The following KSR1 variants were observed in gnomAD, a reference collection of about 807,000 sequenced individuals.
KSR1 encodes kinase suppressor of ras.
Under a neutral mutation model 92.9 loss-of-function variants are expected in KSR1, and 35 were observed. That is an observed-to-expected ratio of 0.38 (90% CI 0.29 to 0.50). The LOEUF (loss-of-function observed/expected upper bound fraction) is 0.50, where lower values mean the gene tolerates loss of function less well. KSR1 is among the 20% of genes least tolerant of loss of function. The probability of loss-of-function intolerance (pLI) is 0.94; values close to 1 mark genes in which losing one functional copy is unlikely to be tolerated. For synonymous variants in KSR1, 467 were observed against 472.6 expected, an observed-to-expected ratio of 0.99 and a Z score of 0.15; for missense variants, 972 against 1,158.5, an observed-to-expected ratio of 0.84 and a Z score of 2.34.
At chr17:27,569,537 A>G (rs950898252) in intron 2 of KSR1, among the ~76,000 whole-genome samples, 1 of 152,276 alleles carries the variant, frequency 6.6e-6, no homozygotes, top group Non-Finnish European at 1.5e-5. Context: ...CCTTGGGCCA[A>G]ATCTAGCCCA....
chr17:27,512,080 A>G (rs2069621959), intron 1 of KSR1, among the ~76,000 whole-genome samples: 2 of 152,130 alleles, frequency 1.3e-5, no homozygotes, highest in African/African-American at 2.4e-5. Context: ...TTATCCCCTC[A>G]TCAAGGTCCT....
intron 1 of KSR1, among the ~76,000 whole-genome samples, chr17:27,479,492 G>A (rs1162977711): frequency 3.3e-5 from 5 of 152,176 alleles, no homozygotes; most frequent in Non-Finnish European, 5.9e-5. Context: ...CTTCTGAGGC[G>A]GGTGTAGGGA....
At chr17:27,612,646 G>A (rs141396007) in intron 18 of KSR1, 23 of 152,228 alleles carry the variant, frequency 1.5e-4, no homozygotes, top group Admixed American at 1.4e-3. Context: ...GGTGTTTTCA[G>A]TGCCATCAGT....
At chr17:27,472,329 G>A (rs769729505) in intron 1 of KSR1, among the ~76,000 whole-genome samples, 7 of 152,230 alleles carry the variant, frequency 4.6e-5, no homozygotes, top group African/African-American at 9.6e-5. Flanking sequence ...CTCACATAGC[G>A]AGGTGTGGAC....
intron 20 of KSR1, among the ~76,000 whole-genome samples, 184 bp downstream of exon 20, chr17:27,621,457 G>T (rs563609976): frequency 1.3e-5 from 2 of 152,108 alleles, no homozygotes; most frequent in Non-Finnish European, 2.9e-5. Flanking sequence ...TGCATTTTTC[G>T]CTGGGTGAGA....
At chr17:27,607,687 G>T (rs1386873540) in intron 14 of KSR1, among the ~76,000 whole-genome samples, 1 of 152,176 alleles carries the variant, frequency 6.6e-6, no homozygotes, top group East Asian at 1.9e-4. Context: ...GGCTCTCAGG[G>T]AATGGGGGTT....
intron 1 of KSR1, among the ~76,000 whole-genome samples, chr17:27,541,496 G>A (rs1468795901): frequency 2.0e-5 from 3 of 152,190 alleles, no homozygotes; most frequent in Non-Finnish European, 2.9e-5. Flanking sequence ...ACATTTAGAG[G>A]GTGTGGGCAA....
chr17:27,606,791 CAAAAA>C, intron 14 of KSR1, among the ~76,000 whole-genome samples: 1 of 116,040 alleles, frequency 8.6e-6, no homozygotes, highest in Non-Finnish European at 1.8e-5. Context: ...GACTCCATCT[CAAAAA>C]AAAAAAAAAA....
intron 1 of KSR1, among the ~76,000 whole-genome samples, chr17:27,550,019 C>T (rs1260635696): frequency 6.6e-6 from 1 of 152,164 alleles, no homozygotes; most frequent in Non-Finnish European, 1.5e-5. Flanking sequence ...TTACCAACTC[C>T]CTGACCCCAC....
chr17:27,562,526 T>C (rs1269145064), intron 2 of KSR1, among the ~76,000 whole-genome samples: 1 of 152,212 alleles, frequency 6.6e-6, no homozygotes, highest in Non-Finnish European at 1.5e-5. Flanking sequence ...TGCCATGAGA[T>C]GGCTTTGGTG....
chr17:27,471,784 T>C (rs1597833113), intron 1 of KSR1, among the ~76,000 whole-genome samples: 2 of 152,018 alleles, frequency 1.3e-5, no homozygotes, highest in Admixed American at 6.6e-5. Context: ...GCCAGCTTAG[T>C]GGGGGAGTTT....
intron 2 of KSR1, among the ~76,000 whole-genome samples, chr17:27,563,384 G>A (rs1477084763): frequency 1.3e-5 from 2 of 151,994 alleles, no homozygotes; most frequent in African/African-American, 4.8e-5. Context: ...CTCCTCCCCA[G>A]TAGCTAGGAC....
At chr17:27,512,845 C>T (rs1285221409) in intron 1 of KSR1, among the ~76,000 whole-genome samples, 1 of 152,156 alleles carries the variant, frequency 6.6e-6, no homozygotes, top group East Asian at 1.9e-4. Flanking sequence ...CAGAAAAGTA[C>T]ACAAAACATA....
At chr17:27,563,356 C>T (rs895009293) in intron 2 of KSR1, among the ~76,000 whole-genome samples, 2 of 152,008 alleles carry the variant, frequency 1.3e-5, no homozygotes, top group African/African-American at 4.8e-5. Context: ...GTTCAACTCC[C>T]GGACTCAAGT....
chr17:27,475,828 A>T (rs2068324290), intron 1 of KSR1, among the ~76,000 whole-genome samples: 1 of 152,226 alleles, frequency 6.6e-6, no homozygotes, highest in African/African-American at 2.4e-5. Flanking sequence ...ACACACACAG[A>T]TGTCAGTGAC....
intron 1 of KSR1, among the ~76,000 whole-genome samples, chr17:27,534,573 C>T (rs567236000): frequency 3.3e-5 from 5 of 152,346 alleles, no homozygotes; most frequent in East Asian, 3.9e-4. Flanking sequence ...GTCTGTTGGC[C>T]TCTAGGCCCC....
intron 1 of KSR1, among the ~76,000 whole-genome samples, chr17:27,523,335 G>C (rs2070118391): frequency 6.6e-6 from 1 of 151,328 alleles, no homozygotes; most frequent in South Asian, 2.1e-4. Flanking sequence ...GAAAAACGTT[G>C]GTAGAAAGGT....
intron 1 of KSR1, chr17:27,526,642 A>G: frequency 6.4e-7 from 1 of 1,561,480 alleles, no homozygotes. Flanking sequence ...TTTTTAAAGC[A>G]CCTTCCTGAG....
chr17:27,476,243 C>T (rs1231250021), intron 1 of KSR1, among the ~76,000 whole-genome samples: 1 of 152,198 alleles, frequency 6.6e-6, no homozygotes, highest in Admixed American at 6.5e-5. Flanking sequence ...GTGCAAAATT[C>T]AAACTTTCTG....
Sources: allele counts gnomAD v4.1 joint callset (sites outside exome capture counted in the v4.1 genomes callset), GRCh38; gene constraint gnomAD v4.1.1; transcripts MANE v1.5; gene names NCBI Gene and HGNC (gene_info 2026-07-23, HGNC 2026-07-21).